PPARGC1B: variants seen among roughly 807,000 people sequenced by gnomAD.
PPARGC1B encodes the protein PPARG coactivator 1 beta, also known as peroxisome proliferator-activated receptor gamma coactivator 1-beta.
PPARGC1B carries 34 observed loss-of-function variants against 101.6 expected under a neutral mutation model. That is an observed-to-expected ratio of 0.33 (90% CI 0.25 to 0.45). The LOEUF is 0.45. Ranked by LOEUF, PPARGC1B falls within the 20% of genes least tolerant of loss-of-function variation. The pLI is 1.00. For missense variants in PPARGC1B, 1,234 were observed against 1,317.6 expected, an observed-to-expected ratio of 0.94 and a Z score of 0.98; for synonymous variants, 548 against 539.3, an observed-to-expected ratio of 1.02 and a Z score of -0.22.
chr5:149,786,538 C>T (rs1756816314), intron 1 of PPARGC1B, among the ~76,000 whole-genome samples: 1 of 152,190 alleles, frequency 6.6e-6, no homozygotes, highest in African/African-American at 2.4e-5. Flanking sequence ...TGCCCAGCCT[C>T]GTGACACTTA....
intron 1 of PPARGC1B, among the ~76,000 whole-genome samples, chr5:149,807,299 G>A (rs1241642463): frequency 6.6e-6 from 1 of 151,974 alleles, no homozygotes; most frequent in Admixed American, 6.6e-5. Flanking sequence ...TCATCCTCCT[G>A]ACACAGGAGG....
intron 1 of PPARGC1B, chr5:149,739,924 CT>C: frequency 6.6e-6 from 1 of 152,372 alleles, no homozygotes; most frequent in African/African-American, 2.4e-5. Context: ...CCCAGCTGGC[CT>C]GGGCACAGGG....
At position 149,848,944 on chromosome 5, in the gene PPARGC1B, A is replaced by G. The variant is rs910023095; in HGVS notation, c.*1386A>G. 1 of 152,200 alleles carries G rather than the reference A, an allele frequency of 6.6e-6. No homozygotes were observed. Among genetic ancestry groups the G allele is most frequent in the African/African-American group, 2.4e-5 (1 of 41,434 alleles). The allele number at this position is 152,200 out of a possible 1,614,324, so 9.4% of individuals were successfully genotyped here. On this transcript the variant is annotated 3_prime_UTR_variant, in exon 12 of 12. Coordinates refer to ENST00000309241, the MANE Select transcript of PPARGC1B (RefSeq NM_133263.4). ...AAACACTCCAATTGGGCTTTGCTTT[A>G]AACTTTGTGTTCTTAAGTGATGTCA...
chr5:149,855,567 T>C (rs17110628), downstream of PPARGC1B, among the ~76,000 whole-genome samples: 5,998 of 152,206 alleles, frequency 0.039, 377 homozygotes, highest in African/African-American at 0.14. Context: ...GAGGATCTCA[T>C]AGAGAGCAGG....
In PPARGC1B at chr5:149,757,249, A is replaced by T. The variant is rs145160742; in HGVS notation, c.78+26829A>T. ...AGTGAGAAAAGCCAAGAGCAGAGGC[A>T]TCGAGTGGCTAAGCTTGTCATTCGT... On this transcript the variant is annotated intron_variant, in intron 1 of 11. Coordinates refer to ENST00000309241, the MANE Select transcript of PPARGC1B (RefSeq NM_133263.4). Among the ~76,000 whole-genome samples the T allele has an allele frequency of 1.5e-3, 227 of 152,304 alleles. 1 individual carries two copies. The highest frequency in any genetic ancestry group is 5.2e-3 in the African/African-American group (218 of 41,576).
chr5:149,802,423 C>G (rs964350894), intron 1 of PPARGC1B, among the ~76,000 whole-genome samples: 1 of 151,998 alleles, frequency 6.6e-6, no homozygotes, highest in African/African-American at 2.4e-5. Flanking sequence ...TTGACTTCCT[C>G]TCCTCTCCTC....
chr5:149,734,253 C>T (rs1754607092), intron 1 of PPARGC1B, among the ~76,000 whole-genome samples: 2 of 132,252 alleles, frequency 1.5e-5, no homozygotes, highest in Admixed American at 9.1e-5. Context: ...ACCCGGGAGG[C>T]GGAGGTTGCA....
chr5:149,815,794 G>A (rs963606873), intron 1 of PPARGC1B, among the ~76,000 whole-genome samples: 5 of 152,160 alleles, frequency 3.3e-5, no homozygotes, highest in African/African-American at 7.2e-5. Flanking sequence ...TGATCTGCCC[G>A]CCTCGGCCTC....
intron 1 of PPARGC1B, among the ~76,000 whole-genome samples, chr5:149,795,271 C>A (rs55813581): frequency 0.023 from 3,501 of 152,232 alleles, 144 homozygotes; most frequent in African/African-American, 0.081. Flanking sequence ...AGTTGGGTGT[C>A]TCTAAGGGAA....
rs530218233 is a variant in PPARGC1B, at chr5:149,784,859, G to A, written c.79-35574G>A. Among the ~76,000 whole-genome samples, 8 of 152,030 alleles carry A rather than the reference G, an allele frequency of 5.3e-5. No homozygotes were observed. In the South Asian group the frequency reaches 8.3e-4, roughly 16 times the overall value. Reference sequence around the variant, plus strand: ...TGGGATTACAGGCGTGAGCCACCGCGCCCGGTCCAGCCAACTGAGTTTCTC... The same window carrying A: ...TGGGATTACAGGCGTGAGCCACCGCACCCGGTCCAGCCAACTGAGTTTCTC... On this transcript the variant is annotated intron_variant, in intron 1 of 11. Transcript: ENST00000309241.
intron 8 of PPARGC1B, among the ~76,000 whole-genome samples, chr5:149,838,740 G>A (rs543014489): frequency 6.6e-6 from 1 of 152,320 alleles, no homozygotes; most frequent in South Asian, 2.1e-4. Context: ...TTCAGGGCTG[G>A]CTTTTTCTGC....
chr5:149,821,703 G>A (rs1290657397), intron 2 of PPARGC1B, among the ~76,000 whole-genome samples: 1 of 152,094 alleles, frequency 6.6e-6, no homozygotes, highest in Non-Finnish European at 1.5e-5. Context: ...TTTTAGAAAC[G>A]TTTACCAAGC....
intron 1 of PPARGC1B, among the ~76,000 whole-genome samples, chr5:149,755,526 T>A (rs1169569369): frequency 6.6e-6 from 1 of 152,082 alleles, no homozygotes; most frequent in Non-Finnish European, 1.5e-5. Flanking sequence ...CTTAGCCTTT[T>A]TGGGCCACGG....
intron 11 of PPARGC1B, chr5:149,847,195 G>T: frequency 1.7e-6 from 1 of 588,998 alleles, no homozygotes; most frequent in Non-Finnish European, 3.1e-6. Context: ...GTTGGAGCTA[G>T]AAAGGCTCTG....
chr5:149,736,443 G>A (rs896640430), intron 1 of PPARGC1B, among the ~76,000 whole-genome samples: 14 of 152,004 alleles, frequency 9.2e-5, no homozygotes, highest in Admixed American at 7.2e-4. Context: ...AAGTCATTTG[G>A]AAGAAAATGA....
At chr5:149,835,273 T>G in intron 6 of PPARGC1B, 28 bp from the exon 7 acceptor site, 1 of 1,612,718 alleles carries the variant, frequency 6.2e-7, no homozygotes, top group South Asian at 1.1e-5. Flanking sequence ...CTTGCTTCTT[T>G]CCTTTCTGTC....
In PPARGC1B at chr5:149,755,189, G is replaced by A. The variant is rs550890605; in HGVS notation, c.78+24769G>A. Among the ~76,000 whole-genome samples, 15 of 151,234 alleles carry A rather than the reference G, an allele frequency of 9.9e-5. No individual in the cohort carries two copies. In the East Asian group the frequency reaches 1.7e-3, roughly 18 times the overall value. ...CTCCCAAAGTGCTGGGATTACAGGC[G>A]TGACCCACTGTGCCTGGCCTAGAAC... On this transcript the variant is annotated intron_variant, in intron 1 of 11. Coordinates refer to ENST00000309241, the MANE Select transcript of PPARGC1B (RefSeq NM_133263.4).
rs754423954 is a variant in PPARGC1B at position 149,836,390 on chromosome 5, G to C, written c.1935G>C (p.Lys645Asn). ...CCTCCCCTGAGGGCCTCTCACTCAAGGCCACCCCAGGGGCTGCCCACAAGC... is the reference window on the plus strand; with the variant it reads ...CCTCCCCTGAGGGCCTCTCACTCAACGCCACCCCAGGGGCTGCCCACAAGC... ...SLPSPEGLSL[K>N]ATPGAAHKLP... The change falls in exon 8 of 12, where the codon AAG becomes AAC. Residue 645 changes from lysine to asparagine, a missense_variant. Physicochemically the swap from Lys to Asn is moderately conservative, Grantham distance 94. This residue lies in a region of PPARGC1B where 497 missense variants were observed against 529.5 expected (regional missense o/e 0.94). Coordinates refer to ENST00000309241, the MANE Select transcript of PPARGC1B (RefSeq NM_133263.4). The C allele has an allele frequency of 9.9e-6, 16 of 1,613,956 alleles. No homozygotes were observed. Among genetic ancestry groups the C allele is most frequent in the Middle Eastern group, 1.6e-4 (1 of 6,082 alleles).
intron 1 of PPARGC1B, among the ~76,000 whole-genome samples, chr5:149,800,713 G>T (rs1184158170): frequency 2.0e-5 from 3 of 152,216 alleles, no homozygotes; most frequent in African/African-American, 7.2e-5. Flanking sequence ...CAACAGGTGG[G>T]GCCAGGTGCA....
Sources: allele counts gnomAD v4.1 joint callset (sites outside exome capture counted in the v4.1 genomes callset), GRCh38; gene constraint gnomAD v4.1.1; regional missense constraint gnomAD v4.1.1; transcripts MANE v1.5; gene names NCBI Gene and HGNC (gene_info 2026-07-23, HGNC 2026-07-21).